The following ATRX variants were observed in gnomAD, a reference collection of about 807,000 sequenced individuals.
ATRX encodes ATRX chromatin remodeler.
Under a neutral mutation model 172.6 loss-of-function variants are expected in ATRX, and 12 were observed. That is an observed-to-expected ratio of 0.07 (90% CI 0.04 to 0.11). ATRX has a LOEUF of 0.11. ATRX is among the 10% of genes least tolerant of loss of function. The pLI, the probability that ATRX is intolerant of heterozygous loss-of-function variation, is 1.00. For missense variants in ATRX, 1,368 were observed against 1,767.4 expected (o/e 0.77, Z 4.05); for synonymous variants, 674 against 594.7 (o/e 1.13, Z -1.94).
chrX:77,754,179 T>A (rs1557189002), intron 1 of ATRX, among the ~76,000 whole-genome samples: 1 of 111,459 alleles, frequency 9.0e-6, no homozygotes, highest in African/African-American at 3.3e-5. Flanking sequence ...TTTTGTTTTT[T>A]CCATTTGCTT....
chrX:77,712,558 C>T (rs1367909292), intron 2 of ATRX, among the ~76,000 whole-genome samples: 1 of 112,411 alleles, frequency 8.9e-6, no homozygotes, highest in African/African-American at 3.2e-5. Context: ...GGCTTGGTGG[C>T]TCACGCCTGT....
At chrX:77,768,533 T>A (rs1329391886) in intron 1 of ATRX, among the ~76,000 whole-genome samples, 1 of 112,106 alleles carries the variant, frequency 8.9e-6, no homozygotes, top group Non-Finnish European at 1.9e-5. Context: ...ACTGATTTTT[T>A]AAAATTGGAT....
chrX:77,639,333 G>A (rs1483503635), intron 15 of ATRX, among the ~76,000 whole-genome samples: 3 of 112,177 alleles, frequency 2.7e-5, no homozygotes, highest in Non-Finnish European at 5.6e-5. Flanking sequence ...CTGCCATGTT[G>A]TGGAGAGAGA....
At chrX:77,516,428 G>C (rs1448582172) in intron 34 of ATRX, among the ~76,000 whole-genome samples, 1 of 111,297 alleles carries the variant, frequency 9.0e-6, no homozygotes, top group Non-Finnish European at 1.9e-5. Flanking sequence ...AAAAGAGCAG[G>C]ACTAGCTATA....
chrX:77,535,134 A>C (rs1473722329), intron 30 of ATRX, among the ~76,000 whole-genome samples: 3 of 112,275 alleles, frequency 2.7e-5, no homozygotes, highest in African/African-American at 9.7e-5. Context: ...TTTCTTCCCA[A>C]ACTACGCTGG....
chrX:77,738,791 G>C (rs903124570), intron 1 of ATRX, among the ~76,000 whole-genome samples: 1 of 109,322 alleles, frequency 9.1e-6, no homozygotes, highest in Admixed American at 9.9e-5. Context: ...TCAAACTCCT[G>C]GTCTCAAGTG....
chrX:77,693,397 A>G (rs2072013801), intron 6 of ATRX, among the ~76,000 whole-genome samples: 1 of 112,123 alleles, frequency 8.9e-6, no homozygotes, highest in African/African-American at 3.2e-5. Context: ...TGAGGAGTGG[A>G]GTCAAGGGAC....
At chrX:77,592,535 G>A (rs1299584382) in intron 26 of ATRX, among the ~76,000 whole-genome samples, 5 of 109,469 alleles carry the variant, frequency 4.6e-5, no homozygotes, top group African/African-American at 6.7e-5. Context: ...TTTGGAGGCC[G>A]GGCGTGGTGT....
chrX:77,664,651 C>G lies in ATRX; in HGVS notation c.3937G>C (p.Asp1313His), dbSNP rs2148496402. ...TTCTCTCTGGGGAGCTCACCCTCAT[C>G]TCCTGGGTTTTCTTCATTTTGTTTT... ...TGKQNEENPGDEEAKNQVNSE... is the reference protein window; with the variant it reads ...TGKQNEENPGHEEAKNQVNSE... Residue 1313 changes from aspartate to histidine, a missense_variant, in exon 11 of 35, where the codon GAT (aspartate) becomes CAT (histidine). Physicochemically the swap from Asp to His is moderately conservative, Grantham distance 81. Around this residue, in one of 17 missense-constraint regions of ATRX, gnomAD observed 119 missense variants for 131.3 expected, o/e 0.91. Coordinates refer to ENST00000373344, the MANE Select transcript of ATRX (RefSeq NM_000489.6). 1 of 1,211,347 alleles carries G rather than the reference C, an allele frequency of 8.3e-7. No individual in the cohort carries two copies. Among genetic ancestry groups the G allele is most frequent in the Non-Finnish European group, 1.1e-6 (1 of 895,203 alleles).
At chrX:77,772,835 T>C (rs894845599) in intron 1 of ATRX, among the ~76,000 whole-genome samples, 7 of 108,275 alleles carry the variant, frequency 6.5e-5, no homozygotes, top group African/African-American at 2.3e-4. Flanking sequence ...GTGGTATGTG[T>C]ATTTCACCAC....
At chrX:77,745,139 C>T (rs2075013644) in intron 1 of ATRX, among the ~76,000 whole-genome samples, 1 of 100,247 alleles carries the variant, frequency 1.0e-5, no homozygotes, top group Non-Finnish European at 2.0e-5. Context: ...TGCATTCCAG[C>T]CTGGGCAACA....
intron 30 of ATRX, among the ~76,000 whole-genome samples, chrX:77,544,417 CT>C (rs782007589): frequency 1.6e-4 from 18 of 110,038 alleles, no homozygotes; most frequent in African/African-American, 4.3e-4. Flanking sequence ...TTTTCTTTTT[CT>C]TTTTTTTTAT....
At chrX:77,692,323 T>C (rs896994454) in intron 6 of ATRX, among the ~76,000 whole-genome samples, 10 of 111,786 alleles carry the variant, frequency 8.9e-5, no homozygotes, top group Non-Finnish European at 1.7e-4. Context: ...TGAGCTCTGT[T>C]GCTGCAATGG....
In ATRX at chrX:77,696,564, T is replaced by A; in HGVS notation, c.370+13A>T. On this transcript the variant is annotated intron_variant, in intron 5 of 34. Coordinates refer to ENST00000373344, the MANE Select transcript of ATRX (RefSeq NM_000489.6). ...TTTCAACTTTAACTTCATGAAAAAT[T>A]AACACACATTACCTTTTGGCAAGCT... The A allele has an allele frequency of 8.3e-7, 1 of 1,200,962 alleles. No individual in the cohort carries two copies. Among genetic ancestry groups the A allele is most frequent in the Non-Finnish European group, 1.1e-6 (1 of 887,855 alleles).
In ATRX at chrX:77,608,368, CAAA is replaced by C. The variant is rs782356472; in HGVS notation, c.5567-7807_5567-7805del. 2.4e-4 allele frequency among the ~76,000 whole-genome samples: 9 copies of C among 37,847 alleles called. No homozygotes were observed. In the South Asian group the frequency reaches 7.1e-3, roughly 30 times the overall value. 32.9% of individuals were successfully genotyped at this position (37,847 alleles called of 115,157 possible). ...TGGACAACAGAGCGAGACCCCGTCT[CAAA>C]AAAAAAAAAAAAAAAGACACATAGG... On this transcript the variant is annotated intron_variant, in intron 22 of 34. Transcript: ENST00000373344.
At chrX:77,690,499 C>T (rs909538619) in intron 6 of ATRX, among the ~76,000 whole-genome samples, 2 of 110,770 alleles carry the variant, frequency 1.8e-5, no homozygotes, top group Non-Finnish European at 3.8e-5. Flanking sequence ...GGTCTCAATC[C>T]ATCACCCAGA....
At chrX:77,726,321 T>C (rs187541144) in intron 1 of ATRX, among the ~76,000 whole-genome samples, 4,557 of 109,736 alleles carry the variant, frequency 0.042, 250 homozygotes, top group African/African-American at 0.14. Context: ...ATGTCCTATA[T>C]AGGGACATGG....
intron 25 of ATRX, 128 bp downstream of exon 25, chrX:77,599,283 T>G: frequency 9.7e-6 from 7 of 722,705 alleles, no homozygotes; most frequent in Non-Finnish European, 1.5e-5. Context: ...GAGTACTTGA[T>G]TAGACTCATC....
intron 21 of ATRX, among the ~76,000 whole-genome samples, chrX:77,617,395 C>T (rs1248328512): frequency 2.7e-5 from 3 of 111,129 alleles, no homozygotes; most frequent in Admixed American, 1.9e-4. Flanking sequence ...CCTGACCAAA[C>T]GGAACAACTA....
Sources: gnomAD v4.1 joint callset for allele counts (sites outside exome capture counted in the v4.1 genomes callset) on GRCh38, gnomAD v4.1.1 for gene constraint, gnomAD v4.1.1 regional missense constraint, MANE v1.5 for transcripts, NCBI Gene and HGNC (gene_info 2026-07-23, HGNC 2026-07-21) for gene names.